MID1: variants seen among roughly 807,000 people sequenced by gnomAD.
MID1 encodes the protein E3 ubiquitin-protein ligase Midline-1.
Under a neutral mutation model 40.4 loss-of-function variants are expected in MID1, and 7 were observed. The observed-to-expected ratio is 0.17, with a 90% CI of 0.10 to 0.33. The LOEUF (loss-of-function observed/expected upper bound fraction) is 0.33. Among genes scored for constraint, MID1 ranks in the 10% least tolerant of loss-of-function variants. The probability of loss-of-function intolerance (pLI) is 1.00; values close to 1 mark genes in which losing one functional copy is unlikely to be tolerated. For synonymous variants in MID1, 229 were observed against 221.2 expected, an observed-to-expected ratio of 1.04 and a Z score of -0.31; for missense variants, 367 against 558.5, an observed-to-expected ratio of 0.66 and a Z score of 3.46.
chrX:10,769,932 T>C (rs964402109), intron 1 of MID1, among the ~76,000 whole-genome samples: 1 of 111,989 alleles, frequency 8.9e-6, no homozygotes, highest in Non-Finnish European at 1.9e-5. Context: ...TGCTGAGCTT[T>C]TGACTGTCCT....
At chrX:10,558,966 G>A (rs1207089913) in intron 2 of MID1, among the ~76,000 whole-genome samples, 2 of 111,978 alleles carry the variant, frequency 1.8e-5, no homozygotes, top group South Asian at 3.7e-4. Context: ...CTCTGCAGGT[G>A]AAGGAGTTGA....
intron 1 of MID1, among the ~76,000 whole-genome samples, chrX:10,827,739 C>T (rs1448860926): frequency 4.5e-5 from 5 of 111,363 alleles, no homozygotes; most frequent in African/African-American, 6.5e-5. Context: ...TAGTCTTGAT[C>T]ATCACCTTCT....
At chrX:10,664,570 ATGT>A (rs2042938004) in intron 1 of MID1, among the ~76,000 whole-genome samples, 1 of 112,422 alleles carries the variant, frequency 8.9e-6, no homozygotes, top group African/African-American at 3.2e-5. Context: ...ATTCATATAC[ATGT>A]TGTTGTGTGA....
intron 1 of MID1, among the ~76,000 whole-genome samples, chrX:10,742,738 T>C (rs1024910629): frequency 1.8e-5 from 2 of 112,514 alleles, no homozygotes; most frequent in Non-Finnish European, 3.7e-5. Flanking sequence ...CCCTGTTGCA[T>C]TTCAAATATC....
chrX:10,755,198 GT>G (rs2043625007), intron 1 of MID1, among the ~76,000 whole-genome samples: 1 of 112,012 alleles, frequency 8.9e-6, no homozygotes, highest in Non-Finnish European at 1.9e-5. Context: ...ATTCAAATAT[GT>G]CCCCTGTTAA....
intron 1 of MID1, among the ~76,000 whole-genome samples, chrX:10,803,513 C>T (rs1196078976): frequency 1.8e-5 from 2 of 109,776 alleles, no homozygotes; most frequent in South Asian, 4.0e-4. Flanking sequence ...CCACCACGCC[C>T]GGCTAATTTT....
At chrX:10,818,574 T>C (rs748280432) in intron 1 of MID1, among the ~76,000 whole-genome samples, 1 of 112,015 alleles carries the variant, frequency 8.9e-6, no homozygotes, top group Admixed American at 9.5e-5. Flanking sequence ...TGATTTGGAG[T>C]GGAAGCAGTA....
rs915870869 is a variant in MID1, at chrX:10,598,609, C to T, written c.-57+21681G>A. Reference sequence around the variant, plus strand: ...AGAGAGATTCTATGTGTGTGAAGGACTCAATGTGCTGTTGCTTTGAGGTTG... The same window carrying T: ...AGAGAGATTCTATGTGTGTGAAGGATTCAATGTGCTGTTGCTTTGAGGTTG... On this transcript the variant is annotated intron_variant, in intron 1 of 9. Transcript: ENST00000317552. Among the ~76,000 whole-genome samples the T allele has an allele frequency of 9.8e-5, 11 of 112,364 alleles. No homozygotes were observed. In the East Asian group the frequency reaches 2.8e-3, roughly 29 times the overall value.
rs1928034722 is a variant in MID1, at chrX:10,446,299, C to T, written c.*3069G>A. 8.9e-6 allele frequency: 1 copy of T among 111,942 alleles called. No individual in the cohort carries two copies. 9.2% of individuals were successfully genotyped at this position (111,942 alleles called of 1,213,427 possible). A position where few individuals can be genotyped will look rare whatever the true frequency, so the allele number is the denominator to read the frequency against. On this transcript the variant is annotated 3_prime_UTR_variant, in exon 10 of 10. Transcript: ENST00000317552. The stretch of plus-strand genomic sequence containing the variant: ...GCCAGCATATATGCGTGTCTCTTTG[C>T]AGGTATCTGCATGTTCCTGGAGCTG...
chrX:10,547,128 C>G (rs1423530688), intron 2 of MID1, among the ~76,000 whole-genome samples: 1 of 111,406 alleles, frequency 9.0e-6, no homozygotes, highest in Non-Finnish European at 1.9e-5. Flanking sequence ...CCCATCTCTA[C>G]AAAAAAATAC....
intron 1 of MID1, among the ~76,000 whole-genome samples, chrX:10,831,496 C>T (rs188909067): frequency 9.0e-6 from 1 of 111,654 alleles, no homozygotes; most frequent in East Asian, 2.8e-4. Flanking sequence ...AGTACTGTGA[C>T]TTGAAAAGGG....
intron 1 of MID1, among the ~76,000 whole-genome samples, chrX:10,582,466 G>GC (rs1935041543): frequency 8.9e-6 from 1 of 111,803 alleles, no homozygotes; most frequent in Non-Finnish European, 1.9e-5. Context: ...TGGGGATATG[G>GC]CCAATAGTTG....
rs770414788 is a variant in MID1 at position 10,666,682 on chromosome X, A to C, written c.-186-46263T>G. Among the ~76,000 whole-genome samples, 4 of 111,903 alleles carry C rather than the reference A, an allele frequency of 3.6e-5. No homozygotes were observed. The East Asian group carries it at 1.1e-3, about 32-fold the overall frequency. Reference sequence around the variant, plus strand: ...GGGAACTTGGAAAGAGTTCAGAGGAAAACCACAAAGATCAAAGAGGTGAAG... The same window carrying C: ...GGGAACTTGGAAAGAGTTCAGAGGACAACCACAAAGATCAAAGAGGTGAAG... On this transcript the variant is annotated intron_variant, in intron 1 of 10. Coordinates refer to the MID1 transcript ENST00000380785.
chrX:10,716,313 G>A (rs946203270), intron 1 of MID1, among the ~76,000 whole-genome samples: 2 of 111,560 alleles, frequency 1.8e-5, no homozygotes, highest in Non-Finnish European at 3.8e-5. Flanking sequence ...TTAGACGAAT[G>A]GCTGACTAGA....
chrX:10,597,004 A>G (rs1406503371), intron 1 of MID1, among the ~76,000 whole-genome samples: 7 of 111,395 alleles, frequency 6.3e-5, no homozygotes, highest in Non-Finnish European at 9.4e-5. Flanking sequence ...GAATGATTGA[A>G]TTTATACTGC....
intron 1 of MID1, among the ~76,000 whole-genome samples, chrX:10,616,393 T>G (rs1301037433): frequency 2.7e-5 from 3 of 112,453 alleles, no homozygotes; most frequent in Non-Finnish European, 5.6e-5. Context: ...TCCAAATGAT[T>G]TGATTGAACT....
intron 1 of MID1, among the ~76,000 whole-genome samples, chrX:10,568,346 A>G (rs1324632156): frequency 8.9e-6 from 1 of 111,948 alleles, no homozygotes; most frequent in East Asian, 2.8e-4. Context: ...GTGGAGAAAA[A>G]TATCTGGGGG....
intron 4 of MID1, among the ~76,000 whole-genome samples, chrX:10,490,899 C>T (rs771270055): frequency 4.5e-5 from 5 of 111,803 alleles, no homozygotes; most frequent in Non-Finnish European, 7.5e-5. Flanking sequence ...TCAGGTTTTC[C>T]GCTACTTCTT....
At chrX:10,671,108 A>G (rs991793977) in intron 1 of MID1, among the ~76,000 whole-genome samples, 1 of 112,033 alleles carries the variant, frequency 8.9e-6, no homozygotes, top group African/African-American at 3.2e-5. Flanking sequence ...CTTCTACAGG[A>G]ATGTGCCTCA....
Sources: gnomAD v4.1 joint callset for allele counts (sites outside exome capture counted in the v4.1 genomes callset) on GRCh38, gnomAD v4.1.1 for gene constraint, MANE v1.5 for transcripts, NCBI Gene and HGNC (gene_info 2026-07-23, HGNC 2026-07-21) for gene names.